The following CELF2 variants were observed in gnomAD, a reference collection of about 807,000 sequenced individuals.
CELF2 encodes CUGBP Elav-like family member 2.
In CELF2, 8 loss-of-function variants were observed where a neutral mutation model predicts 62.6. The observed-to-expected ratio is 0.13, with a 90% CI of 0.07 to 0.23. The LOEUF is 0.23. Among genes scored for constraint, CELF2 ranks in the 10% least tolerant of loss-of-function variants. CELF2 has a pLI of 1.00. For synonymous variants in CELF2, 258 were observed against 250.0 expected, an observed-to-expected ratio of 1.03 and a Z score of -0.30; for missense variants, 333 against 671.0, an observed-to-expected ratio of 0.50 and a Z score of 5.56.
chr10:10,619,717 G>A, the CELF2 span, among the ~76,000 whole-genome samples: 3 of 152,336 alleles, frequency 2.0e-5, no homozygotes, highest in African/African-American at 7.2e-5. Flanking sequence ...AACACAGTTG[G>A]TGCCAGAATC....
chr10:11,260,272 ATG>A lies in CELF2; in HGVS notation c.538+2405_538+2406del, dbSNP rs926418466. On this transcript the variant is annotated intron_variant, in intron 5 of 12. Coordinates refer to ENST00000633077, the MANE Select transcript of CELF2 (RefSeq NM_001326342.2). The surrounding 1 kb of genome is among the most constrained non-coding windows in gnomAD (Gnocchi z 4.2). ...AGCGGAGAGACCCCGGGCGGGCAGTATGTGTGCTTGATTTCTGCTCCCCGTCT... is the reference window on the plus strand; with the variant it reads ...AGCGGAGAGACCCCGGGCGGGCAGTATGTGCTTGATTTCTGCTCCCCGTCT... 6.6e-6 allele frequency among the ~76,000 whole-genome samples: 1 copy of A among 152,116 alleles called. No individual in the cohort carries two copies. Among genetic ancestry groups the A allele is most frequent in the African/African-American group, 2.4e-5 (1 of 41,410 alleles).
rs566888014 is a variant in CELF2, at chr10:11,214,299, T to G, written c.272-3126T>G. 4.6e-5 allele frequency among the ~76,000 whole-genome samples: 7 copies of G among 152,310 alleles called. No individual in the cohort carries two copies. The highest frequency in any genetic ancestry group is 1.7e-4 in the African/African-American group (7 of 41,558). The stretch of plus-strand genomic sequence containing the variant: ...CCTGTCTCAAAAATAAATAAATTTT[T>G]TAATGATGAAACTAACTAAGGTACT... On this transcript the variant is annotated intron_variant, in intron 2 of 12. Transcript: ENST00000633077. The surrounding 1 kb of genome is among the most constrained non-coding windows in gnomAD (Gnocchi z 4.2).
chr10:11,195,811 G>A (rs573895480), intron 2 of CELF2, among the ~76,000 whole-genome samples: 36 of 152,162 alleles, frequency 2.4e-4, no homozygotes, highest in Non-Finnish European at 4.6e-4. Context: ...CTTGTTCCAC[G>A]TGGCCTCCCA....
At chr10:11,234,988 G>C (rs2070589990) in intron 3 of CELF2, among the ~76,000 whole-genome samples, 1 of 152,134 alleles carries the variant, frequency 6.6e-6, no homozygotes, top group African/African-American at 2.4e-5. Context: ...TGAGTTTTCT[G>C]GTACAATCCC....
At chr10:11,190,107 G>A (rs948169979) in intron 2 of CELF2, among the ~76,000 whole-genome samples, 3 of 152,138 alleles carry the variant, frequency 2.0e-5, no homozygotes, top group Non-Finnish European at 2.9e-5. Flanking sequence ...TTTGATTCAA[G>A]CCTTCACTTT....
At chr10:10,707,262 T>G in the CELF2 span, among the ~76,000 whole-genome samples, 1 of 152,172 alleles carries the variant, frequency 6.6e-6, no homozygotes, top group East Asian at 1.9e-4. Context: ...ACTCAGAAAT[T>G]CTCCAGTTGG....
the CELF2 span, among the ~76,000 whole-genome samples, chr10:10,753,418 C>T: frequency 2.0e-5 from 3 of 151,766 alleles, no homozygotes. Flanking sequence ...AAAATATATA[C>T]TTTAGCTCAA....
rs2062065460 is a variant in CELF2, at chr10:11,145,317, C to T, written c.75-20169C>T. 6.6e-6 allele frequency among the ~76,000 whole-genome samples: 1 copy of T among 152,192 alleles called. No homozygotes were observed. On this transcript the variant is annotated intron_variant, in intron 1 of 12. Coordinates refer to ENST00000633077, the MANE Select transcript of CELF2 (RefSeq NM_001326342.2). This position sits in a 1 kb window ranked among gnomAD's most constrained non-coding sequence, Gnocchi z 4.3. ...ATACTTTTATGTGTTGTTGAAAGAG[C>T]TGGCTGAGCTTCAGATGGGTTTGCA...
chr10:10,887,628 C>T (rs2061845911), intron 1 of CELF2, among the ~76,000 whole-genome samples: 1 of 152,144 alleles, frequency 6.6e-6, no homozygotes, highest in Non-Finnish European at 1.5e-5. Flanking sequence ...ATATTATGCA[C>T]ACTTGGAAAA....
In CELF2 at chr10:11,156,795, C is replaced by T. The variant is rs1303542158; in HGVS notation, c.75-8691C>T. 2.0e-5 allele frequency among the ~76,000 whole-genome samples: 3 copies of T among 152,164 alleles called. No individual in the cohort carries two copies. Among genetic ancestry groups the T allele is most frequent in the Non-Finnish European group, 4.4e-5 (3 of 68,032 alleles). On this transcript the variant is annotated intron_variant, in intron 1 of 12. Coordinates refer to ENST00000633077, the MANE Select transcript of CELF2 (RefSeq NM_001326342.2). This position sits in a 1 kb window ranked among gnomAD's most constrained non-coding sequence, Gnocchi z 4.3. The stretch of plus-strand genomic sequence containing the variant: ...GAGCAAGCAGCCAGTCCGCATTACA[C>T]GCATGTTCTGTGTGCAGCACTGTTT...
rs562854034 is a variant in CELF2, at chr10:10,934,174, T to C, written c.89+14175T>C. On this transcript the variant is annotated intron_variant, in intron 2 of 13. Transcript: ENST00000636488. This position sits in a 1 kb window ranked among gnomAD's most constrained non-coding sequence, Gnocchi z 4.4. The stretch of plus-strand genomic sequence containing the variant: ...TGATACCTTATTGTGATTTGCTTTG[T>C]TTTGTTTTCAATACCAGTAGGGGCA... Among the ~76,000 whole-genome samples, 2 of 152,316 alleles carry C rather than the reference T, an allele frequency of 1.3e-5. No individual in the cohort carries two copies. Among genetic ancestry groups the C allele is most frequent in the South Asian group, 4.1e-4 (2 of 4,826 alleles).
chr10:11,314,456 AC>A lies in CELF2; in HGVS notation c.1096+203del. On this transcript the variant is annotated intron_variant, in intron 10 of 12. Transcript: ENST00000633077. The surrounding 1 kb of genome is among the most constrained non-coding windows in gnomAD (Gnocchi z 5.3). ...CTCAGAAAATCCCCAACCACTCTCCACCCCCAGATTCTCTTCAGTGTGTAGC... is the reference window on the plus strand; with the variant it reads ...CTCAGAAAATCCCCAACCACTCTCCACCCCAGATTCTCTTCAGTGTGTAGC... The A allele has an allele frequency of 1.5e-6, 1 of 677,296 alleles. No homozygotes were observed. 42.0% of individuals were successfully genotyped at this position (677,296 alleles called of 1,614,324 possible).
rs1411887498 is a variant in CELF2, at chr10:11,324,372, G to C, written c.1295-1464G>C. 6.6e-6 allele frequency among the ~76,000 whole-genome samples: 1 copy of C among 152,188 alleles called. No homozygotes were observed. Among genetic ancestry groups the C allele is most frequent in the Non-Finnish European group, 1.5e-5 (1 of 68,024 alleles). On this transcript the variant is annotated intron_variant, in intron 11 of 12. Transcript: ENST00000633077. The surrounding 1 kb of genome is among the most constrained non-coding windows in gnomAD (Gnocchi z 4.7). ...GGATGTGCACACACAGCAGTGCTCA[G>C]AACATCCCTTTCCAGTGTTTCAGGT...
chr10:11,091,819 A>G (rs1354425675), intron 1 of CELF2, among the ~76,000 whole-genome samples: 1 of 152,252 alleles, frequency 6.6e-6, no homozygotes, highest in African/African-American at 2.4e-5. Context: ...AGTTAAAAAC[A>G]TGACTCTCAA....
intron 1 of CELF2, among the ~76,000 whole-genome samples, chr10:11,121,122 G>A (rs2057659135): frequency 6.6e-6 from 1 of 152,066 alleles, no homozygotes; most frequent in Non-Finnish European, 1.5e-5. Flanking sequence ...TACACAATTG[G>A]ACTTTTCAAC....
chr10:10,872,192 C>G (rs1351845858), intron 1 of CELF2, among the ~76,000 whole-genome samples: 1 of 152,178 alleles, frequency 6.6e-6, no homozygotes, highest in Non-Finnish European at 1.5e-5. Context: ...CTTAATCAGA[C>G]TCCGGCTTTG....
At chr10:10,969,751 G>C (rs918099571) in intron 2 of CELF2, among the ~76,000 whole-genome samples, 3 of 152,182 alleles carry the variant, frequency 2.0e-5, no homozygotes, top group African/African-American at 7.2e-5. Context: ...GTGGTTACTT[G>C]AGCTCTATTT....
At chr10:10,651,118 C>T in the CELF2 span, among the ~76,000 whole-genome samples, 36 of 142,228 alleles carry the variant, frequency 2.5e-4, no homozygotes, top group East Asian at 6.7e-3. Context: ...ACGGATGCAC[C>T]TGGAAAATCG....
chr10:10,719,081 C>A, the CELF2 span, among the ~76,000 whole-genome samples: 1 of 149,114 alleles, frequency 6.7e-6, no homozygotes, highest in African/African-American at 2.5e-5. Context: ...TCTGCCTCAG[C>A]TTCCTCAGTA....
Sources: gnomAD v4.1 joint callset for allele counts (sites outside exome capture counted in the v4.1 genomes callset) on GRCh38, gnomAD v4.1.1 for gene constraint, Gnocchi (gnomAD v3.1) non-coding constraint, MANE v1.5 for transcripts, NCBI Gene and HGNC (gene_info 2026-07-23, HGNC 2026-07-21) for gene names.